The following TRPS1 variants were observed in gnomAD, a reference collection of about 807,000 sequenced individuals.
TRPS1 encodes the protein transcriptional repressor GATA binding 1, also known as zinc finger transcription factor Trps1.
Under a neutral mutation model 101.2 loss-of-function variants are expected in TRPS1, and 6 were observed. The ratio of observed to expected loss-of-function variants is 0.06; its 90% confidence interval spans 0.03 to 0.12. The LOEUF (loss-of-function observed/expected upper bound fraction) is 0.12. Ranked by LOEUF, TRPS1 falls within the 10% of genes least tolerant of loss-of-function variation. The probability of loss-of-function intolerance (pLI) is 1.00; values close to 1 mark genes in which losing one functional copy is unlikely to be tolerated. For missense variants in TRPS1, 1,363 were observed against 1,567.0 expected (o/e 0.87, Z 2.20); for synonymous variants, 578 against 589.8 (o/e 0.98, Z 0.29).
intron 1 of TRPS1, among the ~76,000 whole-genome samples, chr8:115,667,046 T>C (rs1811938139): frequency 6.6e-6 from 1 of 152,200 alleles, no homozygotes; most frequent in African/African-American, 2.4e-5. Flanking sequence ...CTATCATAAT[T>C]TAGATTCATC....
chr8:115,434,943 A>G (rs1214022603), intron 5 of TRPS1, among the ~76,000 whole-genome samples: 1 of 152,226 alleles, frequency 6.6e-6, no homozygotes. Context: ...TTAGGAAAAG[A>G]GTCTGCTTCC....
intron 4 of TRPS1, among the ~76,000 whole-genome samples, chr8:115,599,315 G>T (rs980719883): frequency 7.3e-5 from 11 of 151,644 alleles, no homozygotes; most frequent in Non-Finnish European, 7.4e-5. Context: ...TTAATTTTTT[G>T]GTGATCTTGA....
chr8:115,542,062 T>C (rs1816465882), intron 5 of TRPS1, among the ~76,000 whole-genome samples: 1 of 152,162 alleles, frequency 6.6e-6, no homozygotes, highest in Admixed American at 6.5e-5. Flanking sequence ...GGAAGAGAAA[T>C]GCAAGATATG....
intron 5 of TRPS1, among the ~76,000 whole-genome samples, chr8:115,533,631 A>AT (rs1816206464): frequency 6.6e-6 from 1 of 151,802 alleles, no homozygotes; most frequent in African/African-American, 2.4e-5. Flanking sequence ...CTTAAAAGTA[A>AT]TTTTCAAATT....
intron 5 of TRPS1, among the ~76,000 whole-genome samples, chr8:115,560,191 T>C (rs376876378): frequency 6.6e-6 from 1 of 152,122 alleles, no homozygotes; most frequent in African/African-American, 2.4e-5. Flanking sequence ...AGGACTACTG[T>C]GGGCATTCAA....
intron 1 of TRPS1, among the ~76,000 whole-genome samples, chr8:115,627,247 T>C (rs2737226): frequency 0.73 from 110,289 of 151,294 alleles, 41,519 homozygotes; most frequent in African/African-American, 0.92. Flanking sequence ...AATAAGATCA[T>C]AATTTCACTG....
chr8:115,428,743 T>TAA (rs879574513), intron 5 of TRPS1, among the ~76,000 whole-genome samples: 1 of 150,944 alleles, frequency 6.6e-6, no homozygotes, highest in Non-Finnish European at 1.5e-5. Context: ...AGTGGGAGAC[T>TAA]AAAAAAAAAT....
At chr8:115,651,595 T>C (rs552786220) in intron 1 of TRPS1, among the ~76,000 whole-genome samples, 15 of 152,318 alleles carry the variant, frequency 9.8e-5, no homozygotes, top group Non-Finnish European at 1.5e-4. Context: ...ATGCTCTCAC[T>C]CTCCTCAGGT....
chr8:115,448,454 G>A (rs1024810271), intron 5 of TRPS1, among the ~76,000 whole-genome samples: 3 of 152,038 alleles, frequency 2.0e-5, no homozygotes, highest in Non-Finnish European at 4.4e-5. Flanking sequence ...GTTCTTTTCT[G>A]TCAGAACGAG....
chr8:115,594,948 C>T (rs1817754572), intron 4 of TRPS1, among the ~76,000 whole-genome samples: 1 of 151,460 alleles, frequency 6.6e-6, no homozygotes, highest in Non-Finnish European at 1.5e-5. Flanking sequence ...CTCTTTTTTA[C>T]TAGATAATAG....
At chr8:115,574,295 G>T (rs1037378437) in intron 5 of TRPS1, among the ~76,000 whole-genome samples, 1 of 152,050 alleles carries the variant, frequency 6.6e-6, no homozygotes, top group Non-Finnish European at 1.5e-5. Flanking sequence ...AGGTTAGTTT[G>T]GTCTAGTGAA....
At chr8:115,504,296 T>C (rs1368893884) in intron 5 of TRPS1, among the ~76,000 whole-genome samples, 2 of 152,118 alleles carry the variant, frequency 1.3e-5, no homozygotes, top group Non-Finnish European at 2.9e-5. Flanking sequence ...CTAGAGTGTT[T>C]GGGGGACTAC....
chr8:115,499,963 CTTTTCTTTTCTTTTCT>C (rs1815269666), intron 5 of TRPS1, among the ~76,000 whole-genome samples: 1 of 52,502 alleles, frequency 1.9e-5, no homozygotes, highest in East Asian at 6.2e-4. Flanking sequence ...TTCTTTCTTT[CTTTTCTTTTCTTTTCT>C]TTTCTTTTCT....
rs150214603 is a variant in TRPS1 at position 115,519,052 on chromosome 8, T to C, written c.2700+67949A>G. On this transcript the variant is annotated intron_variant, in intron 5 of 6. Coordinates refer to ENST00000395715, the MANE Select transcript of TRPS1 (RefSeq NM_014112.5). ...TCCAGCAACATGAAGTGATGAAAAT[T>C]CCATTAAAATTTCTTTGATGTATTA... 2.8e-3 allele frequency among the ~76,000 whole-genome samples: 431 copies of C among 151,888 alleles called. 1 individual carries two copies. The highest frequency in any genetic ancestry group is 4.9e-3 in the Non-Finnish European group (329 of 67,782).
At chr8:115,505,616 T>A (rs1024494057) in intron 5 of TRPS1, among the ~76,000 whole-genome samples, 1 of 152,090 alleles carries the variant, frequency 6.6e-6, no homozygotes, top group Non-Finnish European at 1.5e-5. Flanking sequence ...TTATCTGAAA[T>A]TTTCTTCTAA....
chr8:115,473,128 T>A (rs1814513999), intron 5 of TRPS1, among the ~76,000 whole-genome samples: 3 of 152,188 alleles, frequency 2.0e-5, no homozygotes, highest in Admixed American at 2.0e-4. Context: ...GGTACCAATT[T>A]ACTGTATTAG....
At chr8:115,662,220 A>G (rs1586506537) in intron 1 of TRPS1, among the ~76,000 whole-genome samples, 1 of 152,068 alleles carries the variant, frequency 6.6e-6, no homozygotes, top group African/African-American at 2.4e-5. Flanking sequence ...GAACACTTCA[A>G]TGCCCCAAAT....
At chr8:115,455,104 T>C (rs967897006) in intron 5 of TRPS1, among the ~76,000 whole-genome samples, 23 of 152,220 alleles carry the variant, frequency 1.5e-4, no homozygotes, top group Non-Finnish European at 2.5e-4. Context: ...ATTACCTTCC[T>C]TGTACTTTAA....
chr8:115,438,809 A>G (rs1813519510), intron 5 of TRPS1, among the ~76,000 whole-genome samples: 1 of 149,664 alleles, frequency 6.7e-6, no homozygotes, highest in Non-Finnish European at 1.5e-5. Context: ...TTCTTTTTCC[A>G]TTTATCATTT....
Sources: allele counts gnomAD v4.1 joint callset (sites outside exome capture counted in the v4.1 genomes callset), GRCh38; gene constraint gnomAD v4.1.1; transcripts MANE v1.5; gene names NCBI Gene and HGNC (gene_info 2026-07-23, HGNC 2026-07-21).